Variants in LATS1 observed in about 807,000 individuals in gnomAD.
LATS1 encodes large tumor suppressor kinase 1.
Under a neutral mutation model 106.6 loss-of-function variants are expected in LATS1, and 25 were observed. That is an observed-to-expected ratio of 0.23 (90% CI 0.17 to 0.33). The LOEUF (loss-of-function observed/expected upper bound fraction) is 0.33. Ranked by LOEUF, LATS1 falls within the 10% of genes least tolerant of loss-of-function variation. The pLI, the probability that LATS1 is intolerant of heterozygous loss-of-function variation, is 1.00. For synonymous variants in LATS1, 465 were observed against 455.6 expected (o/e 1.02, Z -0.26); for missense variants, 1,040 against 1,382.6 (o/e 0.75, Z 3.93).
At chr6:149,713,438 G>A (rs969877151) in intron 1 of LATS1, among the ~76,000 whole-genome samples, 3 of 150,750 alleles carry the variant, frequency 2.0e-5, no homozygotes, top group African/African-American at 7.3e-5. Flanking sequence ...GGGATTACAG[G>A]AGCCCACCAC....
At chr6:149,689,319 T>C (rs747272203) in intron 3 of LATS1, among the ~76,000 whole-genome samples, 9 of 151,528 alleles carry the variant, frequency 5.9e-5, no homozygotes, top group Non-Finnish European at 8.8e-5. Flanking sequence ...GACAAGGAAT[T>C]TGGAAGAATA....
chr6:149,680,385 G>A lies in LATS1; in HGVS notation c.2083C>T (p.Leu695Phe). Residue 695 changes from leucine (L) to phenylalanine (F), a missense_variant, in exon 5 of 8, where the codon CTT (leucine) becomes TTT (phenylalanine). Leu to Phe is a conservative substitution (Grantham distance 22, BLOSUM62 0). Coordinates refer to ENST00000543571, the MANE Select transcript of LATS1 (RefSeq NM_004690.4). ...LCQKESNYIR[L>F]KRAKMDKSMF... ...GACTTGTCCATTTTAGCCCTTTTAAGACGGATGTAATTAGATTCTTTTTGG... is the reference window on the plus strand; with the variant it reads ...GACTTGTCCATTTTAGCCCTTTTAAAACGGATGTAATTAGATTCTTTTTGG... 1 of 1,613,872 alleles carries A rather than the reference G, an allele frequency of 6.2e-7. No individual in the cohort carries two copies.
At chr6:149,667,856 C>T (rs912095841) in intron 7 of LATS1, among the ~76,000 whole-genome samples, 5 of 152,112 alleles carry the variant, frequency 3.3e-5, no homozygotes, top group South Asian at 2.1e-4. Flanking sequence ...AAATTATGAA[C>T]GACAGAAGGA....
chr6:149,679,350 G>A (rs889934056), intron 5 of LATS1, among the ~76,000 whole-genome samples: 8 of 151,906 alleles, frequency 5.3e-5, no homozygotes, highest in Admixed American at 4.6e-4. Flanking sequence ...TCAGGAGTTC[G>A]AGATCAGCCT....
chr6:149,668,996 A>AT (rs550015369), intron 7 of LATS1, among the ~76,000 whole-genome samples: 1 of 151,560 alleles, frequency 6.6e-6, no homozygotes, highest in Non-Finnish European at 1.5e-5. Context: ...AATTAAAAAA[A>AT]TTTTTTTGTA....
intron 1 of LATS1, among the ~76,000 whole-genome samples, chr6:149,710,512 G>A (rs910462718): frequency 8.5e-5 from 13 of 152,172 alleles, no homozygotes; most frequent in African/African-American, 2.2e-4. Context: ...TTGTCCATCT[G>A]TATATTCAGT....
intron 2 of LATS1, among the ~76,000 whole-genome samples, chr6:149,695,554 G>A (rs75083960): frequency 0.012 from 1,792 of 152,192 alleles, 39 homozygotes; most frequent in African/African-American, 0.041. Context: ...GCGCACGCTT[G>A]TAATTCCAGC....
chr6:149,671,997 T>C (rs1233041129), intron 7 of LATS1, among the ~76,000 whole-genome samples: 1 of 151,740 alleles, frequency 6.6e-6, no homozygotes, highest in Non-Finnish European at 1.5e-5. Flanking sequence ...CAAGCTATTT[T>C]CCTGTCTCCA....
intron 3 of LATS1, among the ~76,000 whole-genome samples, chr6:149,694,275 A>T (rs1322599215): frequency 6.6e-6 from 1 of 152,158 alleles, no homozygotes; most frequent in Non-Finnish European, 1.5e-5. Flanking sequence ...TAAAGGAAAT[A>T]AAGCCGATGC....
At chr6:149,690,181 A>T (rs1344890402) in intron 3 of LATS1, among the ~76,000 whole-genome samples, 1 of 151,750 alleles carries the variant, frequency 6.6e-6, no homozygotes, top group Non-Finnish European at 1.5e-5. Context: ...AACTATTTAA[A>T]CATATACATA....
chr6:149,665,526 TA>T (rs1781092667), intron 7 of LATS1, among the ~76,000 whole-genome samples: 1 of 152,102 alleles, frequency 6.6e-6, no homozygotes, highest in South Asian at 2.1e-4. Flanking sequence ...GTCAGAGAAC[TA>T]AATAGGGAGC....
intron 1 of LATS1, among the ~76,000 whole-genome samples, chr6:149,708,857 G>C (rs966151780): frequency 6.6e-6 from 1 of 152,138 alleles, no homozygotes; most frequent in Admixed American, 6.6e-5. Flanking sequence ...TGTGAAAATA[G>C]ACAAAGACTG....
intron 1 of LATS1, among the ~76,000 whole-genome samples, chr6:149,707,542 C>T (rs1272676250): frequency 6.6e-6 from 1 of 152,110 alleles, no homozygotes; most frequent in Non-Finnish European, 1.5e-5. Context: ...CATTAGAAAA[C>T]GCTGGACCAG....
intron 1 of LATS1, among the ~76,000 whole-genome samples, chr6:149,710,814 T>C (rs547792684): frequency 3.5e-4 from 53 of 152,276 alleles, no homozygotes; most frequent in Non-Finnish European, 7.2e-4. Flanking sequence ...TGGAAGTGAG[T>C]ATTGGCTGCT....
rs146615434 is a variant in LATS1, at chr6:149,668,869, T to C, written c.2884-6631A>G. Among the ~76,000 whole-genome samples the C allele has an allele frequency of 7.6e-4, 114 of 150,864 alleles. 3 individuals are homozygous for C. The highest frequency in any genetic ancestry group is 2.2e-3 in the African/African-American group (90 of 40,854). On this transcript the variant is annotated intron_variant, in intron 7 of 7. Transcript: ENST00000543571. ...AGGCTGGTGTGCAGTGGTACACTCT[T>C]AGCTCTTACTGCAGCCTTGACCTCC...
At chr6:149,675,709 A>C (rs1781681729) in intron 7 of LATS1, 1 of 152,376 alleles carries the variant, frequency 6.6e-6, no homozygotes, top group South Asian at 2.1e-4. Context: ...GGCGCCTGCC[A>C]CCACACCCCG....
intron 1 of LATS1, chr6:149,716,377 G>A (rs1292718481): frequency 3.3e-5 from 5 of 152,142 alleles, no homozygotes. Context: ...ATAATTGTCA[G>A]ATCAAAAGTG....
chr6:149,674,332 C>A (rs1251145770), intron 7 of LATS1, among the ~76,000 whole-genome samples: 1 of 151,154 alleles, frequency 6.6e-6, no homozygotes, highest in Non-Finnish European at 1.5e-5. Context: ...GCCTTGGCCT[C>A]CCAAAGTGCT....
chr6:149,688,717 G>A (rs1047773173), intron 3 of LATS1, among the ~76,000 whole-genome samples: 2 of 152,166 alleles, frequency 1.3e-5, no homozygotes, highest in African/African-American at 2.4e-5. Flanking sequence ...CTACATTCTC[G>A]AAGGAGAAGC....
Sources: allele counts gnomAD v4.1 joint callset (sites outside exome capture counted in the v4.1 genomes callset), GRCh38; gene constraint gnomAD v4.1.1; transcripts MANE v1.5; gene names NCBI Gene and HGNC (gene_info 2026-07-23, HGNC 2026-07-21).